SMARCA4: variants seen among roughly 807,000 people sequenced by gnomAD.
SMARCA4 encodes SWI/SNF-related matrix-associated actin-dependent regulator of chromatin subfamily A member 4.
SMARCA4 carries 31 observed loss-of-function variants against 193.9 expected under a neutral mutation model. That is an observed-to-expected ratio of 0.16 (90% confidence interval 0.12 to 0.22). The LOEUF (loss-of-function observed/expected upper bound fraction) is 0.22, where lower values mean the gene tolerates loss of function less well. SMARCA4 is among the 10% of genes least tolerant of loss of function. The probability of loss-of-function intolerance (pLI) is 1.00; values close to 1 mark genes in which losing one functional copy is unlikely to be tolerated. For synonymous variants in SMARCA4, 942 were observed against 933.1 expected (o/e 1.01, Z -0.17); for missense variants, 1,148 against 2,296.0 (o/e 0.50, Z 10.22).
intron 9 of SMARCA4, chr19:10,995,265 T>G: frequency 1.6e-6 from 1 of 610,184 alleles, no homozygotes; most frequent in East Asian, 3.4e-5. Context: ...TGGTGCCCCC[T>G]TCCCTCGTTC....
In SMARCA4 at chr19:11,034,908, C is replaced by T. The variant is rs1284158289; in HGVS notation, c.3952-6C>T. The T allele has an allele frequency of 1.3e-6, 2 of 1,553,658 alleles. No homozygotes were observed. Among genetic ancestry groups the T allele is most frequent in the Non-Finnish European group, 8.7e-7 (1 of 1,149,050 alleles). On this transcript the variant is annotated splice_region_variant and splice_polypyrimidine_tract_variant and intron_variant, in intron 28 of 34. Coordinates refer to ENST00000344626, the MANE Select transcript of SMARCA4 (RefSeq NM_003072.5). This position sits in a 1 kb window ranked among gnomAD's most constrained non-coding sequence, Gnocchi z 7.0. ...ATGCCTCTCCCGTTGCCTCCCTGCC[C>T]ACCAGCGCATGGACCTGGACCGCAG... is the stretch of plus-strand genomic sequence containing the variant.
At position 10,986,871 on chromosome 19, in the gene SMARCA4, C is replaced by T; in HGVS notation, c.761-34C>T. ...TGGGCGCAGGCATAAACCTGGGACGCACTGTTTTCTCTTTTGTTTCTCCCT... is the reference window on the plus strand; with the variant it reads ...TGGGCGCAGGCATAAACCTGGGACGTACTGTTTTCTCTTTTGTTTCTCCCT... On this transcript the variant is annotated intron_variant, in intron 4 of 34. Transcript: ENST00000344626. The surrounding 1 kb of genome is among the most constrained non-coding windows in gnomAD (Gnocchi z 6.7). The T allele has an allele frequency of 6.5e-7, 1 of 1,548,518 alleles. No homozygotes were observed. Among genetic ancestry groups the T allele is most frequent in the Middle Eastern group, 1.7e-4 (1 of 5,940 alleles).
chr19:10,977,470 T>C (rs534988207), intron 1 of SMARCA4, among the ~76,000 whole-genome samples: 1 of 152,086 alleles, frequency 6.6e-6, no homozygotes, highest in African/African-American at 2.4e-5. Context: ...ATTACAGGCA[T>C]GCACCACCAT....
chr19:11,030,945 A>C lies in SMARCA4; in HGVS notation c.3546+52A>C, dbSNP rs2146606059. On this transcript the variant is annotated intron_variant, in intron 25 of 34. Transcript: ENST00000344626. This position sits in a 1 kb window ranked among gnomAD's most constrained non-coding sequence, Gnocchi z 5.5. ...AGGAGAAGGAAGGGGGTGCCTGCAA[A>C]ACCTCGAGGAGACGGCCCTGGCTTG... 6.4e-7 allele frequency: 1 copy of C among 1,551,650 alleles called. No homozygotes were observed. The highest frequency in any genetic ancestry group is 1.4e-5 in the African/African-American group (1 of 73,856).
rs1440090886 is a variant in SMARCA4, at chr19:10,985,290, T to C, written c.240T>C (p.His80=). The C allele has an allele frequency of 1.9e-6, 3 of 1,613,748 alleles. No individual in the cohort carries two copies. In the East Asian group the frequency reaches 6.7e-5, roughly 36 times the overall value. ...TCTCGCAGCCCATGGAGTCCATGCA[T>C]GAGAAGGGCATGTCGGACGACCCGC... ...HQMHKPMESM[H]EKGMSDDPRY... Residue 80 remains histidine (H), a synonymous_variant, in exon 3 of 35, where the codon CAT becomes CAC. Transcript: ENST00000344626. This position sits in a 1 kb window ranked among gnomAD's most constrained non-coding sequence, Gnocchi z 4.5.
intron 34 of SMARCA4, chr19:11,060,395 C>G: frequency 1.5e-6 from 1 of 653,974 alleles, no homozygotes. Context: ...GACCCCGGAA[C>G]CAGCTCTCAG....
intron 1 of SMARCA4, among the ~76,000 whole-genome samples, chr19:10,963,818 T>C (rs1210355952): frequency 6.7e-6 from 1 of 148,186 alleles, no homozygotes; most frequent in East Asian, 2.0e-4. Flanking sequence ...CGGGCTGGAG[T>C]GCAATGCCCC....
chr19:10,998,630 C>T (rs1373190152), intron 11 of SMARCA4, among the ~76,000 whole-genome samples: 1 of 151,724 alleles, frequency 6.6e-6, no homozygotes, highest in Non-Finnish European at 1.5e-5. Context: ...TCTCTTTGGT[C>T]CTGTTAGTCC....
intron 8 of SMARCA4, among the ~76,000 whole-genome samples, chr19:10,994,151 T>G (rs1317924075): frequency 6.6e-6 from 1 of 151,764 alleles, no homozygotes; most frequent in Non-Finnish European, 1.5e-5. Context: ...GCGATTCCCC[T>G]GCTTTGGCCT....
chr19:10,994,767 C>A (rs1396803629), intron 8 of SMARCA4, 61 bp from the exon 9 acceptor site: 3 of 1,457,502 alleles, frequency 2.1e-6, no homozygotes, highest in Non-Finnish European at 1.9e-6. Context: ...ACAAGCCTTG[C>A]GGGGAGATGT....
At chr19:11,059,271 T>C (rs7258189) in intron 32 of SMARCA4, 112,079 of 298,226 alleles carry the variant, frequency 0.38, 23,045 homozygotes, top group African/African-American at 0.56. Flanking sequence ...CTGGGGCACA[T>C]TCTCTTCAAA....
At chr19:11,021,320 C>T (rs541577558) in intron 18 of SMARCA4, 20 of 357,096 alleles carry the variant, frequency 5.6e-5, no homozygotes, top group South Asian at 4.0e-4. Flanking sequence ...AGAAATGTAC[C>T]GTCACCAACC....
chr19:10,996,507 CAGA>C lies in SMARCA4; in HGVS notation c.1778_1780del (p.Glu593del), dbSNP rs1484395538. On this transcript the variant is annotated inframe_deletion, in exon 11 of 35. Coordinates refer to ENST00000344626, the MANE Select transcript of SMARCA4 (RefSeq NM_003072.5). ...CTCTATTTCCAGAAGGCAGAAAATG[CAGA>C]AGGACAGACGCCTGCCATTGGGCCG... 7 of 1,614,086 alleles carry C rather than the reference CAGA, an allele frequency of 4.3e-6. No individual in the cohort carries two copies. The highest frequency in any genetic ancestry group is 2.2e-5 in the East Asian group (1 of 44,890).
At chr19:10,982,381 G>A (rs960918895) in intron 1 of SMARCA4, among the ~76,000 whole-genome samples, 8 of 152,118 alleles carry the variant, frequency 5.3e-5, no homozygotes. Flanking sequence ...GGCTGAGGCA[G>A]GAGAATTGCT....
intron 7 of SMARCA4, among the ~76,000 whole-genome samples, chr19:10,990,763 T>G (rs570572802): frequency 1.4e-4 from 21 of 152,354 alleles, no homozygotes; most frequent in African/African-American, 4.8e-4. Flanking sequence ...CTCTCCATGT[T>G]GCCCAGGTTG....
intron 30 of SMARCA4, among the ~76,000 whole-genome samples, chr19:11,051,616 G>A (rs1208040586): frequency 4.0e-5 from 6 of 150,890 alleles, no homozygotes; most frequent in African/African-American, 1.5e-4. Context: ...TCAGCCTCCC[G>A]AGTAGCTGGG....
chr19:10,995,113 G>T (rs1294885316), intron 9 of SMARCA4, 112 bp downstream of exon 9: 2 of 1,037,036 alleles, frequency 1.9e-6, no homozygotes, highest in African/African-American at 1.6e-5. Flanking sequence ...CGGAGTTAGA[G>T]GTGGGACAGA....
intron 13 of SMARCA4, among the ~76,000 whole-genome samples, chr19:11,004,345 T>G (rs1420151949): frequency 6.6e-6 from 1 of 151,352 alleles, no homozygotes; most frequent in Non-Finnish European, 1.5e-5. Context: ...GCCTCCCGGG[T>G]TCAAGTGATT....
intron 29 of SMARCA4, chr19:11,039,631 A>G (rs2075468208): frequency 1.5e-6 from 1 of 683,986 alleles, no homozygotes; most frequent in Non-Finnish European, 2.3e-6. Context: ...TGAACTGTGT[A>G]CTAAAACATG....
Sources: allele counts gnomAD v4.1 joint callset (sites outside exome capture counted in the v4.1 genomes callset), GRCh38; gene constraint gnomAD v4.1.1; non-coding constraint Gnocchi (gnomAD v3.1); transcripts MANE v1.5; gene names NCBI Gene and HGNC (gene_info 2026-07-23, HGNC 2026-07-21).